Variants in FILIP1 observed in about 807,000 individuals in gnomAD.
FILIP1 encodes the protein filamin-A-interacting protein 1.
In FILIP1, 61 loss-of-function variants were observed where a neutral mutation model predicts 102.1. That is an observed-to-expected ratio of 0.60 (90% CI 0.49 to 0.74). FILIP1 has a LOEUF of 0.74. Among genes scored for constraint, FILIP1 ranks in the 30% least tolerant of loss-of-function variants. The pLI, the probability that FILIP1 is intolerant of heterozygous loss-of-function variation, is 0.00. For synonymous variants in FILIP1, 491 were observed against 526.9 expected (o/e 0.93, Z 0.93); for missense variants, 1,314 against 1,441.2 (o/e 0.91, Z 1.43).
At chr6:75,382,933 A>G (rs1335344750) in intron 2 of FILIP1, among the ~76,000 whole-genome samples, 3 of 152,212 alleles carry the variant, frequency 2.0e-5, no homozygotes, top group Non-Finnish European at 4.4e-5. Context: ...ATATATTTAA[A>G]CCTTTCAGGA....
intron 2 of FILIP1, among the ~76,000 whole-genome samples, chr6:75,410,528 C>T (rs1777029559): frequency 6.6e-6 from 1 of 152,092 alleles, no homozygotes; most frequent in African/African-American, 2.4e-5. Flanking sequence ...AGGTATTTCT[C>T]CTAATGCTAT....
chr6:75,348,886 T>C (rs1774686343), intron 4 of FILIP1, among the ~76,000 whole-genome samples: 1 of 152,230 alleles, frequency 6.6e-6, no homozygotes, highest in Admixed American at 6.5e-5. Context: ...AATATCTCTG[T>C]GCTTATATCT....
intron 1 of FILIP1, among the ~76,000 whole-genome samples, chr6:75,479,942 G>A (rs1779603990): frequency 7.0e-6 from 1 of 143,592 alleles, no homozygotes; most frequent in East Asian, 2.0e-4. Flanking sequence ...GTCACAAATT[G>A]CTGTTTGTAT....
At chr6:75,385,614 A>G (rs1354608428) in intron 2 of FILIP1, 1 of 152,158 alleles carries the variant, frequency 6.6e-6, no homozygotes, top group African/African-American at 2.4e-5. Flanking sequence ...TCAGATAAGT[A>G]TATATATAGT....
intron 1 of FILIP1, among the ~76,000 whole-genome samples, chr6:75,416,578 C>A (rs368988963): frequency 2.8e-5 from 3 of 106,416 alleles, no homozygotes; most frequent in Admixed American, 2.8e-4. Flanking sequence ...CTGACTAAAG[C>A]CCCAATCCAA....
chr6:75,319,077 C>T (rs1773547640), intron 4 of FILIP1: 1 of 741,006 alleles, frequency 1.3e-6, no homozygotes, highest in South Asian at 1.4e-5. Context: ...CACCTTCTTC[C>T]TCCTCTTCAT....
chr6:75,457,435 G>A (rs1778874277), intron 1 of FILIP1, among the ~76,000 whole-genome samples: 1 of 152,050 alleles, frequency 6.6e-6, no homozygotes, highest in Non-Finnish European at 1.5e-5. Flanking sequence ...ACTGATGTGG[G>A]GTAAAATGTC....
At chr6:75,472,242 T>A (rs1294832431) in intron 1 of FILIP1, among the ~76,000 whole-genome samples, 1 of 152,118 alleles carries the variant, frequency 6.6e-6, no homozygotes, top group Non-Finnish European at 1.5e-5. Context: ...TGGGTGGGTC[T>A]TTATTTTTGG....
At chr6:75,467,360 G>C (rs1366517248) in intron 1 of FILIP1, among the ~76,000 whole-genome samples, 5 of 152,176 alleles carry the variant, frequency 3.3e-5, no homozygotes, top group Non-Finnish European at 4.4e-5. Context: ...AATGACTAGG[G>C]TGACTGCTGA....
Position 75,414,904 on chromosome 6 carries a change from G to T in FILIP1, c.69C>A (p.Ile23=), listed in dbSNP as rs201731757. ...GACTTTTTTCACCAGCATTGCCGAT[G>T]ATGGAGGGCTTGGGACAGGAGATAT... The part of the protein sequence containing the change: ...DGHISCPKPS[I]IGNAGEKSLS... Residue 23 remains isoleucine (I), a synonymous_variant, in exon 2 of 6, where the codon ATC becomes ATA. Transcript: ENST00000237172. The T allele has an allele frequency of 1.9e-6, 3 of 1,613,714 alleles. No homozygotes were observed. The highest frequency in any genetic ancestry group is 2.5e-6 in the Non-Finnish European group (3 of 1,179,872).
At chr6:75,454,089 C>A in intron 1 of FILIP1, 1 of 446,208 alleles carries the variant, frequency 2.2e-6, no homozygotes, top group Non-Finnish European at 4.5e-6. Context: ...TAGGGTCTCT[C>A]AATGATAAAA....
chr6:75,361,466 T>C (rs181340771), intron 3 of FILIP1, among the ~76,000 whole-genome samples: 45 of 152,324 alleles, frequency 3.0e-4, no homozygotes, highest in Non-Finnish European at 5.4e-4. Context: ...CAAGTTATTA[T>C]TATTATCATA....
In FILIP1 at chr6:75,308,882, AC is replaced by A. The variant is rs748044465; in HGVS notation, c.3450del (p.Ser1151HisfsTer16). On this transcript the variant is annotated frameshift_variant, in exon 6 of 6. Coordinates refer to ENST00000237172, the MANE Select transcript of FILIP1 (RefSeq NM_015687.5). LOFTEE classifies it high-confidence loss of function. ...RGTQSVSGQD[G>X]SSQRPTPTRI... ...CGGGTGGGTGTAGGCCGCTGGGATG[AC>A]CCGTCTTGTCCTGACTGTAAGAGAG... 6.2e-7 allele frequency: 1 copy of A among 1,614,020 alleles called. No individual in the cohort carries two copies. The highest frequency in any genetic ancestry group is 2.2e-5 in the East Asian group (1 of 44,872).
At chr6:75,464,162 T>C (rs182781406) in intron 1 of FILIP1, among the ~76,000 whole-genome samples, 2 of 152,330 alleles carry the variant, frequency 1.3e-5, no homozygotes, top group East Asian at 3.9e-4. Context: ...GATTAACTTG[T>C]TTTTATAGAC....
Position 75,315,087 on chromosome 6 carries a change from T to C in FILIP1, c.745A>G (p.Met249Val), listed in dbSNP as rs766157987. Reference sequence around the variant, plus strand: ...TGCATTTGTCTTTCATCCACCAGCATGAGTGCAAAGGATTTGAGTTTAACA... The same window carrying C: ...TGCATTTGTCTTTCATCCACCAGCACGAGTGCAAAGGATTTGAGTTTAACA... ...ELVKLKSFAL[M>V]LVDERQMHIE... Residue 249 changes from methionine (M) to valine (V), a missense_variant, in exon 5 of 6, where the codon ATG becomes GTG. This residue lies in a region of FILIP1 where 494 missense variants were observed against 511.2 expected (regional missense o/e 0.97). Coordinates refer to ENST00000237172, the MANE Select transcript of FILIP1 (RefSeq NM_015687.5). 3 of 1,614,040 alleles carry C rather than the reference T, an allele frequency of 1.9e-6. No individual in the cohort carries two copies. Among genetic ancestry groups the C allele is most frequent in the East Asian group, 2.2e-5 (1 of 44,898 alleles).
rs756860523 is a variant in FILIP1 at position 75,315,151 on chromosome 6, C to T, written c.681G>A (p.Lys227=). The change falls in exon 5 of 6, where the codon AAG becomes AAA. Residue 227 remains lysine, a synonymous_variant. Transcript: ENST00000237172. ...QEKAYQARKE[K]ENAKRLNKLR... is the part of the protein sequence containing the mutation. ...GTTTATTGAGTCGTTTAGCATTTTC[C>T]TTTTCTTTGCGGGCTTGATAAGCCT... 2 of 1,590,964 alleles carry T rather than the reference C, an allele frequency of 1.3e-6. No individual in the cohort carries two copies. The highest frequency in any genetic ancestry group is 1.7e-6 in the Non-Finnish European group (2 of 1,172,548).
At chr6:75,299,654 CG>C (rs1003308465) in intron 6 of FILIP1, among the ~76,000 whole-genome samples, 31 of 152,144 alleles carry the variant, frequency 2.0e-4, no homozygotes, top group African/African-American at 7.2e-4. Context: ...GTTACCTTGA[CG>C]TTTTTTTCCT....
chr6:75,299,042 T>A (rs1204436241), intron 6 of FILIP1, among the ~76,000 whole-genome samples: 1 of 151,844 alleles, frequency 6.6e-6, no homozygotes, highest in Non-Finnish European at 1.5e-5. Context: ...TAAAAATTAG[T>A]GCTTTGGGGA....
At chr6:75,407,708 C>T (rs185149227) in intron 2 of FILIP1, among the ~76,000 whole-genome samples, 1 of 152,258 alleles carries the variant, frequency 6.6e-6, no homozygotes, top group African/African-American at 2.4e-5. Context: ...ATCTAGTTTA[C>T]TCTGTGCCTC....
Sources: allele counts gnomAD v4.1 joint callset (sites outside exome capture counted in the v4.1 genomes callset), GRCh38; gene constraint gnomAD v4.1.1; regional missense constraint gnomAD v4.1.1; transcripts MANE v1.5; gene names NCBI Gene and HGNC (gene_info 2026-07-23, HGNC 2026-07-21).